Variants in NRCAM observed in about 807,000 individuals in gnomAD.
The protein encoded by NRCAM is NgCAM-related cell adhesion molecule.
In NRCAM, 83 loss-of-function variants were observed where a neutral mutation model predicts 156.5. The ratio of observed to expected loss-of-function variants is 0.53; its 90% confidence interval spans 0.44 to 0.64. The LOEUF is 0.64. Ranked by LOEUF, NRCAM falls within the 30% of genes least tolerant of loss-of-function variation. The pLI, the probability that NRCAM is intolerant of heterozygous loss-of-function variation, is 0.00. For synonymous variants in NRCAM, 538 were observed against 563.9 expected (o/e 0.95, Z 0.65); for missense variants, 1,417 against 1,597.3 (o/e 0.89, Z 1.92).
intron 8 of NRCAM, among the ~76,000 whole-genome samples, chr7:108,230,724 G>GT (rs2094209379): frequency 2.2e-5 from 3 of 139,014 alleles, no homozygotes; most frequent in African/African-American, 7.8e-5. Context: ...TCAAAACTCT[G>GT]CTTTTTTTTT....
chr7:108,233,596 C>T (rs536159229), intron 6 of NRCAM, among the ~76,000 whole-genome samples: 1 of 152,128 alleles, frequency 6.6e-6, no homozygotes, highest in African/African-American at 2.4e-5. Flanking sequence ...AGGCCTTCTG[C>T]GAGAGAGGCT....
At position 108,226,307 on chromosome 7, in the gene NRCAM, G is replaced by C; in HGVS notation, c.622C>G (p.Leu208Val). 1.2e-6 allele frequency: 2 copies of C among 1,609,838 alleles called. No individual in the cohort carries two copies. The highest frequency in any genetic ancestry group is 1.7e-6 in the Non-Finnish European group (2 of 1,176,490). The change falls in exon 9 of 33, where the codon CTC becomes GTC. Residue 208 changes from leucine to valine, a missense_variant. Around this residue, in one of 2 missense-constraint regions of NRCAM, gnomAD observed 1,238 missense variants for 1,336.4 expected, o/e 0.93. Coordinates refer to ENST00000379028, the MANE Select transcript of NRCAM (RefSeq NM_001037132.4). ...TAGTCTTCGCGGGTGTCCTCTGGGA[G>C]GACATTGGAAAAATAAAGGTCCCCA... ...LNGDLYFSNV[L>V]PEDTREDYIC...
intron 1 of NRCAM, among the ~76,000 whole-genome samples, chr7:108,443,366 T>C (rs1290640835): frequency 1.3e-5 from 2 of 152,194 alleles, no homozygotes; most frequent in African/African-American, 4.8e-5. Flanking sequence ...GAGTTCACAG[T>C]ATATTCAAAT....
chr7:108,272,573 G>T (rs2097400872), intron 3 of NRCAM, among the ~76,000 whole-genome samples: 1 of 151,856 alleles, frequency 6.6e-6, no homozygotes, highest in Non-Finnish European at 1.5e-5. Flanking sequence ...CCCACTGGGG[G>T]TGTTATAAAA....
At position 108,191,284 on chromosome 7, in the gene NRCAM, C is replaced by T. The variant is rs1214144976; in HGVS notation, c.1904-1G>A. On this transcript the variant is annotated splice_acceptor_variant, in intron 18 of 32. Transcript: ENST00000379028. LOFTEE classifies it high-confidence loss of function. ...ACGGGAGCTGGAGTTGGAGTAGGAGCTAGAAAGGACATTAATATAAAGGAT... is the reference window on the plus strand; with the variant it reads ...ACGGGAGCTGGAGTTGGAGTAGGAGTTAGAAAGGACATTAATATAAAGGAT... The T allele has an allele frequency of 6.3e-7, 1 of 1,597,856 alleles. No individual in the cohort carries two copies. The highest frequency in any genetic ancestry group is 8.5e-7 in the Non-Finnish European group (1 of 1,170,208).
chr7:108,190,016 T>C (rs1014094233), intron 19 of NRCAM, among the ~76,000 whole-genome samples: 3 of 152,202 alleles, frequency 2.0e-5, no homozygotes, highest in African/African-American at 7.2e-5. Context: ...CACATGTGGT[T>C]CATCAGCACT....
rs758661522 is a variant in NRCAM, at chr7:108,194,513, T to C, written c.1464-85A>G. 39 of 863,880 alleles carry C rather than the reference T, an allele frequency of 4.5e-5. 1 individual carries two copies. The highest frequency in any genetic ancestry group is 1.7e-4 in the Admixed American group (6 of 34,618). 53.5% of individuals were successfully genotyped at this position (863,880 alleles called of 1,614,324 possible). A position where few individuals can be genotyped will look rare whatever the true frequency, so the allele number is the denominator to read the frequency against. On this transcript the variant is annotated intron_variant, in intron 15 of 32. Transcript: ENST00000379028. The stretch of plus-strand genomic sequence containing the variant: ...TAAAATGCCATGTTCAAGGTCAACA[T>C]GACCATGATGAATGTGAAAGTTGCA...
At chr7:108,209,138 T>G (rs1188337750) in intron 12 of NRCAM, among the ~76,000 whole-genome samples, 2 of 152,220 alleles carry the variant, frequency 1.3e-5, no homozygotes, top group Non-Finnish European at 2.9e-5. Context: ...TGTTTGATCT[T>G]GCCGGCTCTA....
chr7:108,408,388 G>C (rs559505507), intron 1 of NRCAM, among the ~76,000 whole-genome samples: 3 of 152,312 alleles, frequency 2.0e-5, no homozygotes, highest in African/African-American at 7.2e-5. Flanking sequence ...GGCCCTATTT[G>C]GTGGTCATGG....
chr7:108,270,335 G>C (rs748781949), intron 3 of NRCAM, among the ~76,000 whole-genome samples: 3 of 152,164 alleles, frequency 2.0e-5, no homozygotes, highest in Non-Finnish European at 4.4e-5. Flanking sequence ...TGAGAGAAAA[G>C]ACCAAGCACC....
chr7:108,285,062 C>T (rs934855351), intron 3 of NRCAM, among the ~76,000 whole-genome samples: 2 of 152,184 alleles, frequency 1.3e-5, no homozygotes, highest in African/African-American at 4.8e-5. Flanking sequence ...TCAGGAGCAC[C>T]AATGCAATTG....
chr7:108,319,558 T>C (rs1338574352), intron 2 of NRCAM, among the ~76,000 whole-genome samples: 2 of 152,226 alleles, frequency 1.3e-5, no homozygotes, highest in East Asian at 1.9e-4. Context: ...TTATGGTCAA[T>C]GGCAGAAGAT....
intron 2 of NRCAM, among the ~76,000 whole-genome samples, chr7:108,378,393 T>TGTTC (rs1228600358): frequency 6.6e-6 from 1 of 151,904 alleles, no homozygotes; most frequent in Non-Finnish European, 1.5e-5. Context: ...GAAGCCAAAG[T>TGTTC]TGAACAAACT....
intron 1 of NRCAM, among the ~76,000 whole-genome samples, chr7:108,420,706 G>A (rs1808419682): frequency 6.6e-6 from 1 of 152,130 alleles, no homozygotes; most frequent in South Asian, 2.1e-4. Flanking sequence ...GGTCCCCATT[G>A]GTTTCCTTTC....
At chr7:108,203,526 A>G (rs2079301266) in intron 13 of NRCAM, among the ~76,000 whole-genome samples, 2 of 152,006 alleles carry the variant, frequency 1.3e-5, no homozygotes, top group East Asian at 1.9e-4. Context: ...TGCTAAAAGA[A>G]CCCTTCTTAC....
chr7:108,344,390 G>C (rs1416206975), intron 2 of NRCAM, among the ~76,000 whole-genome samples: 3 of 152,054 alleles, frequency 2.0e-5, no homozygotes, highest in African/African-American at 2.4e-5. Flanking sequence ...GACAATGATC[G>C]GGATATAAAC....
intron 2 of NRCAM, among the ~76,000 whole-genome samples, chr7:108,351,416 G>C (rs2154294154): frequency 6.6e-6 from 1 of 152,318 alleles, no homozygotes; most frequent in Non-Finnish European, 1.5e-5. Context: ...ACTCCCCAGA[G>C]ACATGGGTCA....
intron 13 of NRCAM, among the ~76,000 whole-genome samples, chr7:108,205,683 C>T (rs894514305): frequency 6.6e-6 from 1 of 152,156 alleles, no homozygotes; most frequent in Non-Finnish European, 1.5e-5. Context: ...GCAAAAGTAT[C>T]AAGCATGTAT....
chr7:108,204,656 G>A (rs1420936970), intron 13 of NRCAM, among the ~76,000 whole-genome samples: 1 of 152,158 alleles, frequency 6.6e-6, no homozygotes, highest in Non-Finnish European at 1.5e-5. Flanking sequence ...CTCCCTGCAC[G>A]TCCACTAGAG....
Sources: gnomAD v4.1 joint callset for allele counts (sites outside exome capture counted in the v4.1 genomes callset) on GRCh38, gnomAD v4.1.1 for gene constraint, gnomAD v4.1.1 regional missense constraint, MANE v1.5 for transcripts, NCBI Gene and HGNC (gene_info 2026-07-23, HGNC 2026-07-21) for gene names.